Variants in CHODL observed in about 807,000 individuals in gnomAD.
CHODL encodes chondrolectin.
In CHODL, 29 loss-of-function variants were observed where a neutral mutation model predicts 34.5. The observed-to-expected ratio is 0.84, with a 90% confidence interval of 0.63 to 1.15. The LOEUF is 1.15. Ranked by LOEUF, CHODL falls within the 50% of genes most tolerant of loss-of-function variation. The pLI, the probability that CHODL is intolerant of heterozygous loss-of-function variation, is 0.00. For synonymous variants in CHODL, 125 were observed against 116.1 expected (o/e 1.08, Z -0.49); for missense variants, 332 against 332.5 (o/e 1.00, Z 0.01).
intron 2 of CHODL, among the ~76,000 whole-genome samples, chr21:18,073,976 A>G (rs1303824280): frequency 1.3e-5 from 2 of 151,986 alleles, no homozygotes; most frequent in South Asian, 4.1e-4. Context: ...TTTTTTTCTT[A>G]TAATTCTGAT....
chr21:18,195,047 AT>A (rs2146698824), intron 2 of CHODL, among the ~76,000 whole-genome samples: 1 of 150,822 alleles, frequency 6.6e-6, no homozygotes, highest in East Asian at 2.0e-4. Flanking sequence ...TTATTTATTT[AT>A]TTATTTATTT....
intron 2 of CHODL, chr21:18,027,979 A>G (rs1425716914): frequency 6.6e-6 from 1 of 152,538 alleles, no homozygotes; most frequent in East Asian, 1.9e-4. Context: ...ACTGTAAGAA[A>G]TAAATTTCTA....
At chr21:18,225,937 C>A (rs1049732250) in intron 2 of CHODL, among the ~76,000 whole-genome samples, 3 of 151,962 alleles carry the variant, frequency 2.0e-5, no homozygotes, top group African/African-American at 7.3e-5. Context: ...GTCTGGGGGG[C>A]CTTTATGCTC....
chr21:18,136,012 C>A (rs1224850769), intron 2 of CHODL, among the ~76,000 whole-genome samples: 2 of 140,722 alleles, frequency 1.4e-5, no homozygotes, highest in Non-Finnish European at 3.0e-5. Context: ...GAGGCTGAGA[C>A]AGAAGAATCA....
At chr21:18,002,809 C>T (rs2063919042) in intron 1 of CHODL, among the ~76,000 whole-genome samples, 1 of 152,132 alleles carries the variant, frequency 6.6e-6, no homozygotes, top group South Asian at 2.1e-4. Flanking sequence ...AGGATGGATA[C>T]ACTCTTCACC....
In CHODL at chr21:18,064,059, T is replaced by C. The variant is rs2064701658; in HGVS notation, c.-45+36088T>C. Among the ~76,000 whole-genome samples the C allele has an allele frequency of 2.6e-5, 4 of 152,328 alleles. No homozygotes were observed. The South Asian group carries it at 8.3e-4, about 32-fold the overall frequency. Reference sequence around the variant, plus strand: ...GTAGATAAATCTTCACTTCTAAGAATCCTTTATTCGCCTCCTCACTTGGGT... The same window carrying C: ...GTAGATAAATCTTCACTTCTAAGAACCCTTTATTCGCCTCCTCACTTGGGT... On this transcript the variant is annotated intron_variant, in intron 2 of 6. Coordinates refer to the CHODL transcript ENST00000400127.
At chr21:17,957,240 T>G (rs1021791429) in intron 1 of CHODL, among the ~76,000 whole-genome samples, 4 of 152,166 alleles carry the variant, frequency 2.6e-5, no homozygotes, top group African/African-American at 9.7e-5. Context: ...ACCAACATGT[T>G]TAGGCCACAA....
intron 2 of CHODL, among the ~76,000 whole-genome samples, chr21:18,162,379 C>A (rs776605832): frequency 6.6e-6 from 1 of 151,636 alleles, no homozygotes; most frequent in Admixed American, 6.6e-5. Flanking sequence ...GAAGTATCAG[C>A]CTGATCTGTG....
chr21:18,162,467 A>ATGT (rs2073107858), intron 2 of CHODL, among the ~76,000 whole-genome samples: 1 of 143,360 alleles, frequency 7.0e-6, no homozygotes, highest in African/African-American at 2.6e-5. Flanking sequence ...CTGTGTATGT[A>ATGT]AGTGTGTGTG....
At chr21:18,057,237 C>T (rs1271444552) in intron 2 of CHODL, among the ~76,000 whole-genome samples, 1 of 151,982 alleles carries the variant, frequency 6.6e-6, no homozygotes. Context: ...TATTTATTTT[C>T]TTTTTTATAA....
At chr21:17,978,733 GAAAA>G (rs34399713) in intron 1 of CHODL, among the ~76,000 whole-genome samples, 1,458 of 139,666 alleles carry the variant, frequency 0.01, 24 homozygotes, top group African/African-American at 0.03. Context: ...GAAAAAAAAA[GAAAA>G]AAAAAAAAAC....
chr21:18,096,000 G>T (rs1568883865), intron 2 of CHODL, among the ~76,000 whole-genome samples: 1 of 152,162 alleles, frequency 6.6e-6, no homozygotes, highest in Non-Finnish European at 1.5e-5. Flanking sequence ...TGAATGGAGG[G>T]ACTGGCTGAA....
intron 2 of CHODL, among the ~76,000 whole-genome samples, chr21:18,172,670 T>G (rs1265406866): frequency 6.6e-6 from 1 of 152,190 alleles, no homozygotes; most frequent in African/African-American, 2.4e-5. Flanking sequence ...ACTAGTGTTC[T>G]TATCATTTTT....
In CHODL at chr21:18,142,727, T is replaced by C. The variant is rs567190317; in HGVS notation, c.-44-113782T>C. 2.7e-3 allele frequency among the ~76,000 whole-genome samples: 412 copies of C among 152,282 alleles called. 1 individual carries two copies. The highest frequency in any genetic ancestry group is 9.5e-3 in the African/African-American group (393 of 41,574). ...CCCTGGTGATCAAATGGTCTTTTCT[T>C]ACAAAACTTGTATTCAGATCTGCCA... On this transcript the variant is annotated intron_variant, in intron 2 of 6. Transcript: ENST00000400127.
chr21:18,180,650 A>T (rs1228605282), intron 2 of CHODL, among the ~76,000 whole-genome samples: 1 of 152,334 alleles, frequency 6.6e-6, no homozygotes, highest in South Asian at 2.1e-4. Flanking sequence ...GTTGCTCAAG[A>T]TCCCAGTGTT....
At chr21:18,164,202 G>A (rs577738904) in intron 2 of CHODL, among the ~76,000 whole-genome samples, 1 of 152,316 alleles carries the variant, frequency 6.6e-6, no homozygotes, top group South Asian at 2.1e-4. Context: ...AAAAGGGCTT[G>A]CACCTCAATT....
intron 1 of CHODL, among the ~76,000 whole-genome samples, chr21:17,932,016 A>G (rs2063277470): frequency 6.6e-6 from 1 of 152,224 alleles, no homozygotes; most frequent in Non-Finnish European, 1.5e-5. Flanking sequence ...GTAAGCAGAC[A>G]GCCTACAGAG....
chr21:18,237,404 T>TA (rs2074038407), intron 2 of CHODL, among the ~76,000 whole-genome samples: 2 of 152,114 alleles, frequency 1.3e-5, no homozygotes, highest in Admixed American at 6.6e-5. Flanking sequence ...GAATGCAGGT[T>TA]ACATGGATTA....
chr21:18,206,475 C>T (rs1298274961), intron 2 of CHODL, among the ~76,000 whole-genome samples: 3 of 151,406 alleles, frequency 2.0e-5, no homozygotes, highest in Admixed American at 2.0e-4. Flanking sequence ...TTTTGGTTTC[C>T]ACTTGTGTGA....
Sources: gnomAD v4.1 joint callset for allele counts (sites outside exome capture counted in the v4.1 genomes callset) on GRCh38, gnomAD v4.1.1 for gene constraint, MANE v1.5 for transcripts, NCBI Gene and HGNC (gene_info 2026-07-23, HGNC 2026-07-21) for gene names.